The following ANAPC10 variants were observed in gnomAD, a reference collection of about 807,000 sequenced individuals.
ANAPC10 encodes anaphase-promoting complex subunit 10.
A neutral mutation model predicts 22.0 loss-of-function variants in ANAPC10; 12 were observed. The observed-to-expected ratio is 0.55, with a 90% CI of 0.35 to 0.88. The LOEUF is 0.88. Among genes scored for constraint, ANAPC10 ranks in the 40% least tolerant of loss-of-function variants. ANAPC10 has a pLI of 0.01. For synonymous variants in ANAPC10, 65 were observed against 69.5 expected (o/e 0.94, Z 0.32); for missense variants, 188 against 220.9 (o/e 0.85, Z 0.94).
intron 3 of ANAPC10, among the ~76,000 whole-genome samples, chr4:145,070,400 C>A (rs1465573965): frequency 6.6e-6 from 1 of 152,042 alleles, no homozygotes; most frequent in Non-Finnish European, 1.5e-5. Context: ...TACAAATAAC[C>A]AGGAAGCACA....
intron 4 of ANAPC10, among the ~76,000 whole-genome samples, chr4:145,033,667 C>G (rs1737980230): frequency 6.6e-6 from 1 of 152,134 alleles, no homozygotes; most frequent in Non-Finnish European, 1.5e-5. Context: ...ATGACCCAGA[C>G]CCTTCAGGAA....
At chr4:145,026,920 C>CATATATAT (rs150548781) in intron 4 of ANAPC10, among the ~76,000 whole-genome samples, 57 of 17,026 alleles carry the variant, frequency 3.3e-3, no homozygotes, top group East Asian at 8.5e-3. Context: ...CCTATACATA[C>CATATATAT]ATATATATAT....
chr4:145,040,536 T>C (rs539227686), intron 4 of ANAPC10, among the ~76,000 whole-genome samples: 1 of 152,340 alleles, frequency 6.6e-6, no homozygotes, highest in African/African-American at 2.4e-5. Context: ...GCTAGTATGT[T>C]CCAGGCACTT....
chr4:145,053,552 T>C, intron 4 of ANAPC10: 1 of 411,058 alleles, frequency 2.4e-6, no homozygotes, highest in Non-Finnish European at 4.3e-6. Context: ...ATGGCTAAGC[T>C]ACGGTTTCTG....
At chr4:145,098,076 C>G (rs1560950945) in intron 1 of ANAPC10, 44 bp downstream of exon 1, 1 of 153,388 alleles carries the variant, frequency 6.5e-6, no homozygotes, top group Non-Finnish European at 1.5e-5. Flanking sequence ...CATCTGTTTA[C>G]GCTAGGACCA....
At chr4:145,020,559 T>C (rs540733926) in intron 4 of ANAPC10, among the ~76,000 whole-genome samples, 2 of 152,208 alleles carry the variant, frequency 1.3e-5, no homozygotes, top group East Asian at 1.9e-4. Flanking sequence ...GTCTTCAACA[T>C]AGTACTGGAA....
At chr4:145,049,078 G>A (rs971854471) in intron 4 of ANAPC10, among the ~76,000 whole-genome samples, 16 of 152,150 alleles carry the variant, frequency 1.1e-4, no homozygotes, top group Admixed American at 9.2e-4. Context: ...TCTATTAAGT[G>A]TGTAATAGCA....
intron 2 of ANAPC10, among the ~76,000 whole-genome samples, chr4:145,088,340 C>A (rs1426477162): frequency 6.6e-6 from 1 of 152,214 alleles, no homozygotes; most frequent in African/African-American, 2.4e-5. Context: ...CAACCCAGAA[C>A]TTCAAGCAGA....
At chr4:145,061,542 G>A (rs1453209063) in intron 4 of ANAPC10, among the ~76,000 whole-genome samples, 2 of 152,052 alleles carry the variant, frequency 1.3e-5, no homozygotes, top group African/African-American at 2.4e-5. Context: ...ATCTAGAGGA[G>A]GTTTCAAATA....
At chr4:145,016,459 CA>C (rs1735157136) in intron 4 of ANAPC10, among the ~76,000 whole-genome samples, 1 of 151,918 alleles carries the variant, frequency 6.6e-6, no homozygotes, top group Non-Finnish European at 1.5e-5. Context: ...CACTGCTGAA[CA>C]AAATAAAAGA....
At chr4:145,033,796 T>A (rs1168541318) in intron 4 of ANAPC10, among the ~76,000 whole-genome samples, 1 of 152,208 alleles carries the variant, frequency 6.6e-6, no homozygotes, top group African/African-American at 2.4e-5. Context: ...CCAGCTACAA[T>A]CTTGTGACCA....
intron 4 of ANAPC10, among the ~76,000 whole-genome samples, chr4:145,054,650 C>CGA (rs1398033068): frequency 3.5e-5 from 5 of 144,152 alleles, no homozygotes; most frequent in African/African-American, 1.3e-4. Context: ...TGCGCGCGCG[C>CGA]GCGCGTGCGT....
At chr4:145,076,365 G>C (rs991893196) in intron 3 of ANAPC10, among the ~76,000 whole-genome samples, 1 of 152,162 alleles carries the variant, frequency 6.6e-6, no homozygotes, top group Non-Finnish European at 1.5e-5. Context: ...ATCCAGAAAT[G>C]AAACTAGTCA....
At chr4:145,011,656 G>A (rs2126925856) in intron 4 of ANAPC10, among the ~76,000 whole-genome samples, 1 of 152,208 alleles carries the variant, frequency 6.6e-6, no homozygotes, top group Non-Finnish European at 1.5e-5. Flanking sequence ...GTTGTTTCTT[G>A]AAGTCAGAGA....
At chr4:145,086,366 GA>G (rs1746896016) in intron 2 of ANAPC10, among the ~76,000 whole-genome samples, 1 of 152,150 alleles carries the variant, frequency 6.6e-6, no homozygotes, top group South Asian at 2.1e-4. Context: ...ATATTACACA[GA>G]AAAAAACTTT....
At chr4:145,079,304 A>T (rs1029932413) in intron 3 of ANAPC10, among the ~76,000 whole-genome samples, 6 of 152,348 alleles carry the variant, frequency 3.9e-5, no homozygotes, top group African/African-American at 1.4e-4. Context: ...GGAGAAATAC[A>T]AATCAAAACC....
Position 145,067,696 on chromosome 4 carries a change from C to T in ANAPC10, c.207-3004G>A, listed in dbSNP as rs575936908. Among the ~76,000 whole-genome samples the T allele has an allele frequency of 3.9e-5, 6 of 152,318 alleles. No individual in the cohort carries two copies. The South Asian group carries it at 1.0e-3, about 26-fold the overall frequency. ...TGGCCGCCTCCTGCTACCACAGATACGAGCATCTGCTGAATAATTTCTCAT... is the reference window on the plus strand; with the variant it reads ...TGGCCGCCTCCTGCTACCACAGATATGAGCATCTGCTGAATAATTTCTCAT... On this transcript the variant is annotated intron_variant, in intron 3 of 4. Coordinates refer to ENST00000507656, the MANE Select transcript of ANAPC10 (RefSeq NM_001256706.2).
intron 4 of ANAPC10, among the ~76,000 whole-genome samples, chr4:145,000,500 AC>A (rs1312330591): frequency 6.6e-6 from 1 of 152,214 alleles, no homozygotes; most frequent in Non-Finnish European, 1.5e-5. Flanking sequence ...ACAATGAGAT[AC>A]CATCTCACAT....
chr4:145,068,802 T>C (rs1051893597), intron 3 of ANAPC10, among the ~76,000 whole-genome samples: 30 of 152,180 alleles, frequency 2.0e-4, no homozygotes, highest in African/African-American at 7.0e-4. Context: ...ACCAGCTACT[T>C]GGGAGGCTGA....
Sources: gnomAD v4.1 joint callset for allele counts (sites outside exome capture counted in the v4.1 genomes callset) on GRCh38, gnomAD v4.1.1 for gene constraint, MANE v1.5 for transcripts, NCBI Gene and HGNC (gene_info 2026-07-23, HGNC 2026-07-21) for gene names.